CTNNA1: variants seen among roughly 807,000 people sequenced by gnomAD.
CTNNA1 encodes catenin alpha 1.
A neutral mutation model predicts 98.4 loss-of-function variants in CTNNA1; 37 were observed. That is an observed-to-expected ratio of 0.38 (90% CI 0.29 to 0.49). The LOEUF (loss-of-function observed/expected upper bound fraction) is 0.49, where lower values mean the gene tolerates loss of function less well. Ranked by LOEUF, CTNNA1 falls within the 20% of genes least tolerant of loss-of-function variation. The probability of loss-of-function intolerance (pLI) is 0.95; values close to 1 mark genes in which losing one functional copy is unlikely to be tolerated. For missense variants in CTNNA1, 761 were observed against 1,147.2 expected (o/e 0.66, Z 4.86); for synonymous variants, 404 against 413.2 (o/e 0.98, Z 0.27).
intron 7 of CTNNA1, among the ~76,000 whole-genome samples, chr5:138,832,241 C>G (rs1250854168): frequency 6.6e-6 from 1 of 152,136 alleles, no homozygotes; most frequent in Non-Finnish European, 1.5e-5. Flanking sequence ...GGCTCTACAA[C>G]TAACTTACTA....
rs1026779147 is a variant in CTNNA1 at position 138,765,947 on chromosome 5, C to CAA, written c.-3+12460_-3+12461dup. 4.3e-3 allele frequency among the ~76,000 whole-genome samples: 205 copies of CAA among 47,694 alleles called. 1 individual carries two copies. The highest frequency in any genetic ancestry group is 0.022 in the Middle Eastern group (2 of 90). 31.3% of individuals were successfully genotyped at this position (47,694 alleles called of 152,430 possible). ...CTGGCGATAGAGTGAGACTCTGTCT[C>CAA]AAAAAAAAAAAAAAAAAAAAAAAAG... On this transcript the variant is annotated intron_variant, in intron 1 of 17. Transcript: ENST00000302763.
chr5:138,924,644 G>T lies in CTNNA1; in HGVS notation c.1681G>T (p.Asp561Tyr). Residue 561 changes from aspartate (D) to tyrosine (Y), a missense_variant, in exon 12 of 18, where the codon GAC becomes TAC. Asp to Tyr is a radical substitution (Grantham distance 160). Around this residue, in one of 6 missense-constraint regions of CTNNA1, gnomAD observed 287 missense variants for 436.0 expected, o/e 0.66. Coordinates refer to ENST00000302763, the MANE Select transcript of CTNNA1 (RefSeq NM_001903.5). ...RVIHVVTSEMDNYEPGVYTEK... is the reference protein window; with the variant it reads ...RVIHVVTSEMYNYEPGVYTEK... ...CATTCACGTAGTCACCTCAGAGATG[G>T]ACAACTATGAGCCAGGAGTCTACAC... 6.2e-7 allele frequency: 1 copy of T among 1,611,350 alleles called. No homozygotes were observed. The highest frequency in any genetic ancestry group is 8.5e-7 in the Non-Finnish European group (1 of 1,178,720).
At position 138,930,594 on chromosome 5, in the gene CTNNA1, ACAT is replaced by A; in HGVS notation, c.2136_2138del (p.Ile713del). 1 of 1,613,962 alleles carries A rather than the reference ACAT, an allele frequency of 6.2e-7. No individual in the cohort carries two copies. Among genetic ancestry groups the A allele is most frequent in the Non-Finnish European group, 8.5e-7 (1 of 1,179,982 alleles). On this transcript the variant is annotated inframe_deletion, in exon 15 of 18. Coordinates refer to ENST00000302763, the MANE Select transcript of CTNNA1 (RefSeq NM_001903.5). ...TCCAAATGGGACGACAGTGGCAATG[ACAT>A]CATTGTGCTGGCCAAGCAGATGTGC...
chr5:138,810,228 T>A, intron 4 of CTNNA1, 24 bp downstream of exon 4: 1 of 1,599,898 alleles, frequency 6.3e-7, no homozygotes, highest in Non-Finnish European at 8.6e-7. Flanking sequence ...CCTATGTCTG[T>A]AATTTGTTCT....
intron 7 of CTNNA1, among the ~76,000 whole-genome samples, chr5:138,837,542 T>C (rs1425664713): frequency 8.7e-6 from 1 of 115,128 alleles, no homozygotes; most frequent in African/African-American, 3.3e-5. Flanking sequence ...CCCCCCCCTT[T>C]CCCCACTCCT....
At chr5:138,904,858 G>T (rs1248202625) in intron 10 of CTNNA1, 2 of 152,962 alleles carry the variant, frequency 1.3e-5, no homozygotes, top group East Asian at 3.8e-4. Context: ...ACTTTGGGAG[G>T]CCGAGGCGGG....
rs182796887 is a variant in CTNNA1 at position 138,863,661 on chromosome 5, C to T, written c.1063-22551C>T. Reference sequence around the variant, plus strand: ...CATTTTACAGCCCAGTTGGGTTCTTCTTGCCTGCTGCACAGAAAAAGCCAG... The same window carrying T: ...CATTTTACAGCCCAGTTGGGTTCTTTTTGCCTGCTGCACAGAAAAAGCCAG... On this transcript the variant is annotated intron_variant, in intron 7 of 17. Coordinates refer to ENST00000302763, the MANE Select transcript of CTNNA1 (RefSeq NM_001903.5). Among the ~76,000 whole-genome samples the T allele has an allele frequency of 4.1e-4, 62 of 152,346 alleles. 1 individual carries two copies. The highest frequency in any genetic ancestry group is 3.9e-4 in the East Asian group (2 of 5,190).
At chr5:138,790,633 T>C (rs1206570073) in intron 3 of CTNNA1, among the ~76,000 whole-genome samples, 1 of 152,232 alleles carries the variant, frequency 6.6e-6, no homozygotes, top group East Asian at 1.9e-4. Flanking sequence ...GGGCTGGAGA[T>C]GCTGATCTTT....
chr5:138,825,740 T>A (rs1760651501), intron 6 of CTNNA1, among the ~76,000 whole-genome samples: 1 of 152,082 alleles, frequency 6.6e-6, no homozygotes, highest in African/African-American at 2.4e-5. Flanking sequence ...CATGGCCGAT[T>A]TAAGACTTTT....
chr5:138,824,704 A>C lies in CTNNA1; in HGVS notation c.763A>C (p.Ile255Leu), dbSNP rs1760463089. 2 of 1,614,240 alleles carry C rather than the reference A, an allele frequency of 1.2e-6. No individual in the cohort carries two copies. Among genetic ancestry groups the C allele is most frequent in the Non-Finnish European group, 1.7e-6 (2 of 1,180,050 alleles). ...YKQLQQAVTG[I>L]SNAAQATASD... ...GCAGCTGCAGCAGGCGGTCACAGGC[A>C]TTTCCAATGCAGCCCAGGCCACTGC... Residue 255 changes from isoleucine to leucine, a missense_variant, in exon 6 of 18, where the codon ATT becomes CTT. Ile to Leu is a conservative substitution (Grantham distance 5, BLOSUM62 2). Around this residue, in one of 6 missense-constraint regions of CTNNA1, gnomAD observed 328 missense variants for 354.3 expected, o/e 0.93. Coordinates refer to ENST00000302763, the MANE Select transcript of CTNNA1 (RefSeq NM_001903.5).
At chr5:138,902,460 C>T (rs570733609) in intron 9 of CTNNA1, among the ~76,000 whole-genome samples, 2 of 152,206 alleles carry the variant, frequency 1.3e-5, no homozygotes, top group East Asian at 3.8e-4. Flanking sequence ...CGCTCTGTCG[C>T]CCAGGCTGGA....
At chr5:138,907,382 A>G (rs1219405089) in intron 10 of CTNNA1, among the ~76,000 whole-genome samples, 1 of 152,224 alleles carries the variant, frequency 6.6e-6, no homozygotes, top group Non-Finnish European at 1.5e-5. Flanking sequence ...TCAATTTTAA[A>G]CAATTGGTAA....
At chr5:138,907,353 C>G (rs1316351634) in intron 10 of CTNNA1, among the ~76,000 whole-genome samples, 1 of 152,158 alleles carries the variant, frequency 6.6e-6, no homozygotes. Context: ...TTCTGCAATT[C>G]AGATTTTTCT....
chr5:138,787,098 T>C (rs771962551), intron 3 of CTNNA1, among the ~76,000 whole-genome samples: 1 of 152,330 alleles, frequency 6.6e-6, no homozygotes, highest in Non-Finnish European at 1.5e-5. Flanking sequence ...AAATTTCTTC[T>C]AGAAGGCCAG....
intron 1 of CTNNA1, among the ~76,000 whole-genome samples, chr5:138,763,077 C>T (rs1475591395): frequency 7.0e-6 from 1 of 143,226 alleles, no homozygotes; most frequent in East Asian, 2.2e-4. Context: ...CATCAACTCT[C>T]TTGAAAGTGT....
intron 6 of CTNNA1, among the ~76,000 whole-genome samples, chr5:138,827,220 T>G (rs775716100): frequency 6.6e-5 from 10 of 152,246 alleles, no homozygotes; most frequent in Non-Finnish European, 1.5e-4. Flanking sequence ...TTATACGGGT[T>G]TACCTTTAGA....
At chr5:138,929,787 C>T (rs1235986165) in intron 14 of CTNNA1, among the ~76,000 whole-genome samples, 1 of 152,186 alleles carries the variant, frequency 6.6e-6, no homozygotes, top group African/African-American at 2.4e-5. Flanking sequence ...TCATTTGAGT[C>T]ATTAAATCTT....
At chr5:138,905,746 T>C (rs1346951155) in intron 10 of CTNNA1, among the ~76,000 whole-genome samples, 2 of 152,186 alleles carry the variant, frequency 1.3e-5, no homozygotes, top group African/African-American at 4.8e-5. Context: ...GCTGAGTTTG[T>C]TTGTCTGGCT....
chr5:138,776,597 T>C lies in CTNNA1; in HGVS notation c.-2-5326T>C, dbSNP rs1178003899. ...ACGGGGTGGTGGCCGAGCAGAGGGG[T>C]TCCTCACTTCCCAGTAGGAGCGGCC... is the stretch of plus-strand genomic sequence containing the variant. On this transcript the variant is annotated intron_variant, in intron 1 of 17. Transcript: ENST00000302763. 3.1e-4 allele frequency among the ~76,000 whole-genome samples: 46 copies of C among 150,406 alleles called. No individual in the cohort carries two copies. In the South Asian group the frequency reaches 6.3e-3, roughly 21 times the overall value.
Sources: allele counts gnomAD v4.1 joint callset (sites outside exome capture counted in the v4.1 genomes callset), GRCh38; gene constraint gnomAD v4.1.1; regional missense constraint gnomAD v4.1.1; transcripts MANE v1.5; gene names NCBI Gene and HGNC (gene_info 2026-07-23, HGNC 2026-07-21).